The following KHDRBS2 variants were observed in gnomAD, a reference collection of about 807,000 sequenced individuals.
KHDRBS2 encodes the protein KH domain-containing, RNA-binding, signal transduction-associated protein 2.
A neutral mutation model predicts 44.3 loss-of-function variants in KHDRBS2; 26 were observed. That is an observed-to-expected ratio of 0.59 (90% CI 0.43 to 0.81). KHDRBS2 has a LOEUF of 0.81. Ranked by LOEUF, KHDRBS2 falls within the 40% of genes least tolerant of loss-of-function variation. The pLI is 0.00. For missense variants in KHDRBS2, 476 were observed against 433.1 expected (o/e 1.10, Z -0.88); for synonymous variants, 194 against 151.1 (o/e 1.28, Z -2.08).
chr6:61,829,536 C>T (rs149170264), intron 6 of KHDRBS2, among the ~76,000 whole-genome samples: 1 of 151,680 alleles, frequency 6.6e-6, no homozygotes, highest in South Asian at 2.1e-4. Flanking sequence ...AAAGATTAGC[C>T]CAAGAAGCTT....
At chr6:62,165,602 G>T (rs1818520841) in intron 2 of KHDRBS2, among the ~76,000 whole-genome samples, 1 of 151,794 alleles carries the variant, frequency 6.6e-6, no homozygotes. Flanking sequence ...GCTGATAGAT[G>T]TGTGCTACTA....
At chr6:62,211,969 T>C (rs972616743) in intron 1 of KHDRBS2, among the ~76,000 whole-genome samples, 4 of 152,278 alleles carry the variant, frequency 2.6e-5, no homozygotes, top group African/African-American at 9.6e-5. Context: ...TGGAATACTA[T>C]GCAGCCATAA....
chr6:61,723,215 C>T (rs1772986294), intron 7 of KHDRBS2, among the ~76,000 whole-genome samples: 1 of 151,822 alleles, frequency 6.6e-6, no homozygotes, highest in Non-Finnish European at 1.5e-5. Context: ...AAAGAACCCA[C>T]AAAAACCCCA....
the KHDRBS2 span, among the ~76,000 whole-genome samples, chr6:61,618,414 A>G: frequency 6.6e-6 from 1 of 152,032 alleles, no homozygotes; most frequent in South Asian, 2.1e-4. Context: ...TTCACATTAC[A>G]TTTTCCTGTT....
chr6:61,892,471 T>C (rs1802037557), intron 6 of KHDRBS2, among the ~76,000 whole-genome samples: 1 of 152,182 alleles, frequency 6.6e-6, no homozygotes, highest in Non-Finnish European at 1.5e-5. Context: ...AGAACAAAGC[T>C]GGATGCATCA....
intron 2 of KHDRBS2, among the ~76,000 whole-genome samples, chr6:62,077,597 C>T (rs1308008991): frequency 1.3e-5 from 2 of 152,044 alleles, no homozygotes; most frequent in East Asian, 2.0e-4. Flanking sequence ...AGACAGTTTG[C>T]CTCATCTGTG....
chr6:61,773,917 T>C (rs1459173692), intron 6 of KHDRBS2, among the ~76,000 whole-genome samples: 7 of 152,130 alleles, frequency 4.6e-5, no homozygotes, highest in Admixed American at 3.9e-4. Context: ...TCCCCATTGC[T>C]TGTTTTTCTC....
At chr6:62,263,841 TG>T (rs1838756727) in intron 1 of KHDRBS2, among the ~76,000 whole-genome samples, 1 of 151,788 alleles carries the variant, frequency 6.6e-6, no homozygotes, top group African/African-American at 2.4e-5. Flanking sequence ...AATTAATTCT[TG>T]CACCTAAATG....
chr6:61,644,056 A>G, the KHDRBS2 span, among the ~76,000 whole-genome samples: 327 of 152,302 alleles, frequency 2.1e-3, 3 homozygotes, highest in African/African-American at 7.0e-3. Context: ...TTCAAACTAT[A>G]CTATAGGGCT....
rs142225828 is a variant in KHDRBS2, at chr6:62,011,554, T to C, written c.337-33342A>G. ...TTGAAAAACTAGTATGTTTTCTCCATATTAACCTCAAGATTTATGTCAAAT... is the reference window on the plus strand; with the variant it reads ...TTGAAAAACTAGTATGTTTTCTCCACATTAACCTCAAGATTTATGTCAAAT... On this transcript the variant is annotated intron_variant, in intron 3 of 8. Transcript: ENST00000281156. Among the ~76,000 whole-genome samples, 206 of 152,296 alleles carry C rather than the reference T, an allele frequency of 1.4e-3. 1 individual carries two copies. The South Asian group carries it at 0.02, about 15-fold the overall frequency.
At chr6:62,019,024 A>C (rs1781772770) in intron 3 of KHDRBS2, among the ~76,000 whole-genome samples, 1 of 152,048 alleles carries the variant, frequency 6.6e-6, no homozygotes, top group African/African-American at 2.4e-5. Context: ...CAATAAGCTA[A>C]TTTATGTTAA....
intron 6 of KHDRBS2, among the ~76,000 whole-genome samples, chr6:61,817,313 C>T (rs373519082): frequency 6.6e-6 from 1 of 152,016 alleles, no homozygotes; most frequent in South Asian, 2.1e-4. Context: ...AGAACTATCC[C>T]AATACATATT....
intron 3 of KHDRBS2, among the ~76,000 whole-genome samples, chr6:62,021,009 G>C (rs1406828262): frequency 6.6e-6 from 1 of 151,978 alleles, no homozygotes; most frequent in African/African-American, 2.4e-5. Context: ...ACTGTATAAA[G>C]AAACTATGGT....
At chr6:62,052,012 G>C (rs1789178712) in intron 2 of KHDRBS2, among the ~76,000 whole-genome samples, 2 of 151,818 alleles carry the variant, frequency 1.3e-5, no homozygotes, top group East Asian at 3.9e-4. Flanking sequence ...GAGCAGAAAA[G>C]GGTATTTTTT....
chr6:61,807,932 C>A (rs531842168), intron 6 of KHDRBS2, among the ~76,000 whole-genome samples: 155 of 152,164 alleles, frequency 1.0e-3, no homozygotes, highest in African/African-American at 3.5e-3. Context: ...AGCCATAAGA[C>A]TCACACTGGA....
chr6:61,785,327 A>G (rs1182933850), intron 6 of KHDRBS2, among the ~76,000 whole-genome samples: 2 of 152,172 alleles, frequency 1.3e-5, no homozygotes, highest in African/African-American at 4.8e-5. Context: ...AATAACCATT[A>G]TTATTCACAA....
the KHDRBS2 span, among the ~76,000 whole-genome samples, chr6:61,673,798 T>C: frequency 2.8e-5 from 4 of 142,846 alleles, no homozygotes; most frequent in Middle Eastern, 0.014. Flanking sequence ...TGGAAGAACA[T>C]TCCATGCTCA....
chr6:61,956,243 C>T (rs912182714), intron 4 of KHDRBS2, among the ~76,000 whole-genome samples: 1 of 151,970 alleles, frequency 6.6e-6, no homozygotes, highest in African/African-American at 2.4e-5. Context: ...CAAAGCATAG[C>T]ACACCAGTAT....
At chr6:61,832,978 C>T (rs965136243) in intron 6 of KHDRBS2, among the ~76,000 whole-genome samples, 1 of 152,124 alleles carries the variant, frequency 6.6e-6, no homozygotes, top group Non-Finnish European at 1.5e-5. Flanking sequence ...TTTATCAAAA[C>T]CTTAATAGAA....
Sources: gnomAD v4.1 joint callset for allele counts (sites outside exome capture counted in the v4.1 genomes callset) on GRCh38, gnomAD v4.1.1 for gene constraint, MANE v1.5 for transcripts, NCBI Gene and HGNC (gene_info 2026-07-23, HGNC 2026-07-21) for gene names.